The following MALAT1 variants were observed in gnomAD, a reference collection of about 807,000 sequenced individuals.
The protein encoded by MALAT1 is hepcarcin.
intron 3 of MALAT1, chr11:65,505,360 C>T (rs778728446): frequency 4.1e-5 from 21 of 517,836 alleles, no homozygotes; most frequent in South Asian, 7.0e-5. Context: ...GTGAAGCATC[C>T]GAAGGAATGC....
chr11:65,500,820 C>CT lies in MALAT1; in HGVS notation n.2087dup, dbSNP rs748546623. 3.9e-5 allele frequency: 20 copies of CT among 518,846 alleles called. 1 individual carries two copies. The highest frequency in any genetic ancestry group is 2.8e-4 in the South Asian group (20 of 71,592). 32.1% of individuals were successfully genotyped at this position (518,846 alleles called of 1,614,324 possible). ...TTTTCTGGAACTTACTTATGGTAAC[C>CT]TTTTATTTATTTTCTAATATAATGG... is the stretch of plus-strand genomic sequence containing the variant. On this transcript the variant is annotated non_coding_transcript_exon_variant, in exon 3 of 4. Transcript: ENST00000619449.
intron 1 of MALAT1, chr11:65,498,671 T>G (rs1227815078): frequency 3.9e-6 from 2 of 518,088 alleles, no homozygotes; most frequent in Non-Finnish European, 7.7e-6. Context: ...ACTTTAATCT[T>G]CCTTCAAAAG....
At chr11:65,504,910 T>G (rs1363400152) in intron 3 of MALAT1, 3 of 518,758 alleles carry the variant, frequency 5.8e-6, no homozygotes, top group South Asian at 2.8e-5. Flanking sequence ...AACCAAACAT[T>G]CCATTTTAAA....
At chr11:65,500,002 T>C (rs1854504172) in exon 3 of MALAT1, 2 of 426,484 alleles carry the variant, frequency 4.7e-6, no homozygotes, top group South Asian at 1.7e-5. Context: ...GAGGAAATTA[T>C]TGGTAACCAA....
chr11:65,502,486 G>A (rs758697427), exon 3 of MALAT1: 9 of 485,714 alleles, frequency 1.9e-5, no homozygotes, highest in Non-Finnish European at 3.6e-5. Context: ...AAGATGTTAA[G>A]GTATGCTTCA....
exon 3 of MALAT1, chr11:65,502,658 C>T (rs755942337): frequency 2.1e-6 from 1 of 483,078 alleles, no homozygotes; most frequent in Admixed American, 2.5e-5. Context: ...ATAACATCTT[C>T]TGAGTCATAA....
At chr11:65,505,684 TTGG>T (rs746031873) in intron 3 of MALAT1, 2 of 518,884 alleles carry the variant, frequency 3.9e-6, no homozygotes, top group Admixed American at 1.9e-5. Context: ...GTCGAGGTCT[TTGG>T]TGGGTTGAAC....
chr11:65,504,520 G>A (rs752339894), intron 3 of MALAT1: 1 of 518,964 alleles, frequency 1.9e-6, no homozygotes, highest in South Asian at 1.4e-5. Flanking sequence ...AAGGCTGAGT[G>A]TTGAGGAAAT....
chr11:65,502,043 T>C, exon 3 of MALAT1: 1 of 517,404 alleles, frequency 1.9e-6, no homozygotes, highest in Non-Finnish European at 3.9e-6. Context: ...TCCCCCCAGT[T>C]TGAATTGGGA....
exon 3 of MALAT1, chr11:65,500,058 TAGA>T (rs1255356542): frequency 2.3e-6 from 1 of 443,458 alleles, no homozygotes. Flanking sequence ...GTGCAGAAGT[TAGA>T]AGGTAAAGCT....
At chr11:65,500,809 C>A (rs944875306) in exon 3 of MALAT1, 1 of 518,882 alleles carries the variant, frequency 1.9e-6, no homozygotes, top group Admixed American at 1.9e-5. Context: ...CTGGAACTTA[C>A]TTATGGTAAC....
At chr11:65,499,406 T>C (rs759670264) in exon 3 of MALAT1, 16 of 484,834 alleles carry the variant, frequency 3.3e-5, no homozygotes, top group Admixed American at 1.5e-4. Flanking sequence ...AGGGCAATGC[T>C]TTTAGATTAA....
At chr11:65,504,181 A>C (rs1854620923) in intron 3 of MALAT1, 1 of 515,592 alleles carries the variant, frequency 1.9e-6, no homozygotes, top group African/African-American at 2.0e-5. Flanking sequence ...ATTGCATATG[A>C]GTGCTTGGCT....
chr11:65,501,350 C>G, exon 3 of MALAT1: 1 of 518,646 alleles, frequency 1.9e-6, no homozygotes, highest in Non-Finnish European at 3.9e-6. Flanking sequence ...TCAGGATAAT[C>G]AGACCACCAC....
At chr11:65,501,108 G>A (rs746663825) in exon 3 of MALAT1, 2 of 515,836 alleles carry the variant, frequency 3.9e-6, no homozygotes, top group South Asian at 2.8e-5. Context: ...GTTTAGTTGG[G>A]GTAATGAAGT....
exon 3 of MALAT1, chr11:65,503,851 C>T (rs1387991431): frequency 5.8e-6 from 3 of 518,048 alleles, no homozygotes; most frequent in Non-Finnish European, 1.2e-5. Context: ...ATAATAATTC[C>T]AGGCACATGG....
At chr11:65,506,163 C>T (rs1214031051) in intron 3 of MALAT1, 1 of 415,756 alleles carries the variant, frequency 2.4e-6, no homozygotes, top group African/African-American at 2.1e-5. Context: ...GGTTCAAATC[C>T]CTGCGGCGTC....
chr11:65,504,760 G>C (rs1854640782), intron 3 of MALAT1: 1 of 518,876 alleles, frequency 1.9e-6, no homozygotes, highest in African/African-American at 1.9e-5. Context: ...GTGATCTTTA[G>C]TGCATTGTTT....
At chr11:65,499,753 G>T (rs1482742597) in exon 3 of MALAT1, 2 of 431,880 alleles carry the variant, frequency 4.6e-6, no homozygotes, top group African/African-American at 4.1e-5. Flanking sequence ...GAAGAAAAAA[G>T]ATAAATTTAA....
Sources: gnomAD v4.1 joint callset for allele counts on GRCh38, gnomAD v4.1.1 for gene constraint, MANE v1.5 for transcripts, NCBI Gene and HGNC (gene_info 2026-07-23, HGNC 2026-07-21) for gene names.